The following ELL variants were observed in gnomAD, a reference collection of about 807,000 sequenced individuals.
ELL encodes the protein RNA polymerase II elongation factor ELL.
Under a neutral mutation model 64.0 loss-of-function variants are expected in ELL, and 18 were observed. That is an observed-to-expected ratio of 0.28 (90% CI 0.19 to 0.42). The LOEUF is 0.42. Ranked by LOEUF, ELL falls within the 10% of genes least tolerant of loss-of-function variation. The pLI, the probability that ELL is intolerant of heterozygous loss-of-function variation, is 1.00. For missense variants in ELL, 797 were observed against 870.4 expected, an observed-to-expected ratio of 0.92 and a Z score of 1.06; for synonymous variants, 399 against 376.2, an observed-to-expected ratio of 1.06 and a Z score of -0.70.
At chr19:18,472,924 C>G (rs1975096216) in intron 1 of ELL, 42 bp from the exon 2 acceptor site, 6 of 1,488,700 alleles carry the variant, frequency 4.0e-6, no homozygotes, top group Non-Finnish European at 5.3e-6. Flanking sequence ...AGGGGAACAT[C>G]AATAAAGACA....
chr19:18,472,064 G>A (rs1158118097), intron 2 of ELL, among the ~76,000 whole-genome samples: 1 of 151,928 alleles, frequency 6.6e-6, no homozygotes, highest in African/African-American at 2.4e-5. Context: ...CCAGGTTCAA[G>A]CAATTCTCCT....
chr19:18,488,658 G>A (rs1975466472), intron 1 of ELL, among the ~76,000 whole-genome samples: 1 of 152,140 alleles, frequency 6.6e-6, no homozygotes. Context: ...GCATCTTGAG[G>A]GCCAACTTCA....
chr19:18,470,944 G>C (rs1975051971), intron 2 of ELL: 1 of 456,442 alleles, frequency 2.2e-6, no homozygotes, highest in Non-Finnish European at 4.4e-6. Flanking sequence ...TCTCCTAGAG[G>C]CTCCATGTCT....
intron 1 of ELL, among the ~76,000 whole-genome samples, chr19:18,480,179 C>T (rs557564773): frequency 1.3e-5 from 2 of 152,356 alleles, no homozygotes; most frequent in East Asian, 3.9e-4. Context: ...AAGGTGAAGT[C>T]CCGGGAAGAG....
intron 1 of ELL, among the ~76,000 whole-genome samples, chr19:18,519,581 C>T (rs373063620): frequency 3.9e-5 from 6 of 152,048 alleles, no homozygotes; most frequent in Admixed American, 2.0e-4. Flanking sequence ...CTGAGAAGGA[C>T]GGATCACTGG....
chr19:18,507,917 G>A (rs1176901734), intron 1 of ELL, among the ~76,000 whole-genome samples: 1 of 152,206 alleles, frequency 6.6e-6, no homozygotes, highest in Non-Finnish European at 1.5e-5. Flanking sequence ...GCAGCAGGCT[G>A]AGGCTGACTC....
intron 1 of ELL, among the ~76,000 whole-genome samples, chr19:18,491,062 T>G (rs1318685370): frequency 6.6e-6 from 1 of 152,078 alleles, no homozygotes; most frequent in Non-Finnish European, 1.5e-5. Context: ...TCAGATGAGA[T>G]TAACATTTAA....
intron 1 of ELL, among the ~76,000 whole-genome samples, chr19:18,509,601 A>G (rs572133841): frequency 0.24 from 4,112 of 17,088 alleles, 223 homozygotes; most frequent in African/African-American, 0.46. Context: ...GCGCACATAC[A>G]CACACACACA....
chr19:18,514,676 T>C (rs1431401189), intron 1 of ELL, among the ~76,000 whole-genome samples: 1 of 152,196 alleles, frequency 6.6e-6, no homozygotes, highest in Non-Finnish European at 1.5e-5. Flanking sequence ...AAGACAACCC[T>C]GTCCATGAGA....
chr19:18,491,736 G>A (rs1975538017), intron 1 of ELL, among the ~76,000 whole-genome samples: 1 of 152,022 alleles, frequency 6.6e-6, no homozygotes, highest in African/African-American at 2.4e-5. Context: ...GCAACATAGT[G>A]AGACCCTGTC....
intron 1 of ELL, among the ~76,000 whole-genome samples, chr19:18,505,620 G>A (rs980299184): frequency 2.0e-5 from 3 of 152,164 alleles, no homozygotes; most frequent in Non-Finnish European, 2.9e-5. Context: ...GGGCTAAGCC[G>A]GGAAAGGAAA....
At chr19:18,498,455 G>A (rs1975708493) in intron 1 of ELL, among the ~76,000 whole-genome samples, 1 of 152,152 alleles carries the variant, frequency 6.6e-6, no homozygotes, top group South Asian at 2.1e-4. Context: ...TCTGATGCCA[G>A]GCAGCTGCAC....
In ELL at chr19:18,451,601, G is replaced by A; in HGVS notation, c.917C>T (p.Ala306Val). Residue 306 changes from alanine (A) to valine (V), a missense_variant, in exon 7 of 12, where the codon GCT becomes GTT. Coordinates refer to ENST00000262809, the MANE Select transcript of ELL (RefSeq NM_006532.4). ...QSTGSLLGDPAASSPPGERGR... is the reference protein window; with the variant it reads ...QSTGSLLGDPVASSPPGERGR... Reference sequence around the variant, plus strand: ...ACGCTCGCCTGGGGGGCTGGAGGCAGCAGGGTCTCCAAGGAGGCTGCCAGT... The same window carrying A: ...ACGCTCGCCTGGGGGGCTGGAGGCAACAGGGTCTCCAAGGAGGCTGCCAGT... The A allele has an allele frequency of 6.7e-7, 1 of 1,501,308 alleles. No homozygotes were observed. The highest frequency in any genetic ancestry group is 8.8e-7 in the Non-Finnish European group (1 of 1,132,084). 93.0% of individuals were successfully genotyped at this position (1,501,308 alleles called of 1,614,324 possible). A position where few individuals can be genotyped will look rare whatever the true frequency, so the allele number is the denominator to read the frequency against.
rs57211923 is a variant in ELL at position 18,518,790 on chromosome 19, C to CA, written c.135+3130dup. Among the ~76,000 whole-genome samples the CA allele has an allele frequency of 1.8e-3, 230 of 129,940 alleles. 2 individuals carry two copies. The highest frequency in any genetic ancestry group is 2.9e-3 in the South Asian group (12 of 4,104). The allele number at this position is 129,940 out of a possible 152,430, so 85.2% of individuals were successfully genotyped here. Reference sequence around the variant, plus strand: ...TGGGCGACAGGGCAAGACCCTGTCTCAAAAAAAAAAAAGGAAAGAAAAACT... The same window carrying CA: ...TGGGCGACAGGGCAAGACCCTGTCTCAAAAAAAAAAAAAGGAAAGAAAAACT... On this transcript the variant is annotated intron_variant, in intron 1 of 11. Coordinates refer to ENST00000262809, the MANE Select transcript of ELL (RefSeq NM_006532.4).
Position 18,443,573 on chromosome 19 carries a change from G to T in ELL, c.*1179C>A, listed in dbSNP as rs1356982973. 1.3e-5 allele frequency: 3 copies of T among 233,316 alleles called. No homozygotes were observed. The highest frequency in any genetic ancestry group is 2.5e-5 in the Non-Finnish European group (3 of 118,064). 14.5% of individuals were successfully genotyped at this position (233,316 alleles called of 1,614,324 possible). A position where few individuals can be genotyped will look rare whatever the true frequency, so the allele number is the denominator to read the frequency against. ...CCTCAGACCCCACCATGCCCTGGGG[G>T]GTCCCCACATACGCACACTCACACA... On this transcript the variant is annotated 3_prime_UTR_variant, in exon 12 of 12. Coordinates refer to ENST00000262809, the MANE Select transcript of ELL (RefSeq NM_006532.4).
At chr19:18,453,755 C>T (rs887814036) in intron 6 of ELL, among the ~76,000 whole-genome samples, 1 of 152,122 alleles carries the variant, frequency 6.6e-6, no homozygotes, top group Non-Finnish European at 1.5e-5. Flanking sequence ...ATGAGGGTCT[C>T]ACTATGTTGC....
chr19:18,444,894 G>C, intron 11 of ELL, 26 bp from the exon 12 acceptor site: 2 of 1,596,912 alleles, frequency 1.3e-6, no homozygotes. Flanking sequence ...GTCATGCTCA[G>C]GACAGAGCCG....
rs941166770 is a variant in ELL at position 18,501,874 on chromosome 19, G to T, written c.135+20047C>A. On this transcript the variant is annotated intron_variant, in intron 1 of 11. Coordinates refer to ENST00000262809, the MANE Select transcript of ELL (RefSeq NM_006532.4). The surrounding 1 kb of genome is among the most constrained non-coding windows in gnomAD (Gnocchi z 4.5). ...GAGGGGAGGCAGCATGGGCACCAGT[G>T]ACCAGGACAGCCCTTTCCAAAAGAA... Among the ~76,000 whole-genome samples the T allele has an allele frequency of 1.3e-5, 2 of 152,082 alleles. No homozygotes were observed. The highest frequency in any genetic ancestry group is 2.9e-5 in the Non-Finnish European group (2 of 67,998).
At chr19:18,520,796 C>T (rs1287393660) in intron 1 of ELL, among the ~76,000 whole-genome samples, 2 of 150,326 alleles carry the variant, frequency 1.3e-5, no homozygotes, top group Non-Finnish European at 3.0e-5. Flanking sequence ...ACTAGACCCA[C>T]CCCCACTCCC....
Sources: allele counts gnomAD v4.1 joint callset (sites outside exome capture counted in the v4.1 genomes callset), GRCh38; gene constraint gnomAD v4.1.1; non-coding constraint Gnocchi (gnomAD v3.1); transcripts MANE v1.5; gene names NCBI Gene and HGNC (gene_info 2026-07-23, HGNC 2026-07-21).